CFAP53: variants seen among roughly 807,000 people sequenced by gnomAD.
CFAP53 encodes cilia- and flagella-associated protein 53.
Under a neutral mutation model 59.7 loss-of-function variants are expected in CFAP53, and 62 were observed. That is an observed-to-expected ratio of 1.04 (90% CI 0.85 to 1.28). The LOEUF is 1.28. Ranked by LOEUF, CFAP53 falls within the 50% of genes most tolerant of loss-of-function variation. The probability of loss-of-function intolerance (pLI) is 0.00; values close to 1 mark genes in which losing one functional copy is unlikely to be tolerated. For synonymous variants in CFAP53, 218 were observed against 205.7 expected, an observed-to-expected ratio of 1.06 and a Z score of -0.51; for missense variants, 629 against 615.6, an observed-to-expected ratio of 1.02 and a Z score of -0.23.
chr18:50,242,311 T>A (rs1454069523), intron 6 of CFAP53, among the ~76,000 whole-genome samples: 1 of 152,188 alleles, frequency 6.6e-6, no homozygotes, highest in Non-Finnish European at 1.5e-5. Flanking sequence ...ATGACAGGAT[T>A]AAGAGATTAA....
chr18:50,233,105 C>CT lies in CFAP53; in HGVS notation c.1316+5497dup, dbSNP rs546187914. Among the ~76,000 whole-genome samples, 640 of 152,240 alleles carry CT rather than the reference C, an allele frequency of 4.2e-3. 8 individuals are homozygous for CT. Among genetic ancestry groups the CT allele is most frequent in the African/African-American group, 0.015 (603 of 41,546 alleles). On this transcript the variant is annotated intron_variant, in intron 7 of 7. Transcript: ENST00000398545. Reference sequence around the variant, plus strand: ...AAGTCTTCTATAGCTCTCTATCTTCCTTTTTTTCTGCCTGCTTTAAATCTG... The same window carrying CT: ...AAGTCTTCTATAGCTCTCTATCTTCCTTTTTTTTCTGCCTGCTTTAAATCTG...
chr18:50,257,225 C>T (rs915732454), intron 3 of CFAP53, among the ~76,000 whole-genome samples: 3 of 152,072 alleles, frequency 2.0e-5, no homozygotes, highest in South Asian at 2.1e-4. Flanking sequence ...GGGCAAAATG[C>T]ACCATCACTA....
At chr18:50,234,002 G>A (rs938938946) in intron 7 of CFAP53, among the ~76,000 whole-genome samples, 14 of 152,284 alleles carry the variant, frequency 9.2e-5, no homozygotes, top group Non-Finnish European at 2.1e-4. Flanking sequence ...CAGAAAATCC[G>A]AGGGATCTGG....
intron 7 of CFAP53, among the ~76,000 whole-genome samples, chr18:50,233,807 G>A (rs1000728049): frequency 2.6e-5 from 4 of 152,178 alleles, no homozygotes; most frequent in African/African-American, 7.2e-5. Flanking sequence ...TAGCAGTCCC[G>A]CTATCCATAG....
At chr18:50,256,122 C>T (rs2033845079) in intron 3 of CFAP53, 1 of 152,154 alleles carries the variant, frequency 6.6e-6, no homozygotes, top group Non-Finnish European at 1.5e-5. Flanking sequence ...CTCAGTCATA[C>T]AAGTGAAATC....
intron 5 of CFAP53, among the ~76,000 whole-genome samples, chr18:50,250,194 G>A (rs1427090333): frequency 1.5e-5 from 1 of 65,760 alleles, no homozygotes; most frequent in African/African-American, 4.4e-5. Context: ...ACTCCAGCCT[G>A]GGTTACAGCG....
At chr18:50,253,976 A>G (rs1202791966) in intron 3 of CFAP53, among the ~76,000 whole-genome samples, 5 of 152,228 alleles carry the variant, frequency 3.3e-5, no homozygotes, top group Non-Finnish European at 5.9e-5. Flanking sequence ...GGGCATTTAA[A>G]AAGAAATTTC....
Position 50,262,167 on chromosome 18 carries a change from C to A in CFAP53, c.122G>T (p.Arg41Leu). 1 of 1,614,178 alleles carries A rather than the reference C, an allele frequency of 6.2e-7. No homozygotes were observed. Among genetic ancestry groups the A allele is most frequent in the South Asian group, 1.1e-5 (1 of 91,080 alleles). The part of the protein sequence containing the change: ...QGAEHHLERI[R>L]RSHQKHNAIL... ...AGCATTATGCTTCTGATGGCTGCGT[C>A]GGATTCTTTCTAGATGGTGCTCAGC... The change falls in exon 2 of 8, where the codon CGA becomes CTA. Residue 41 changes from arginine to leucine, a missense_variant. Arg to Leu is a moderately radical substitution (Grantham distance 102). Transcript: ENST00000398545.
intron 6 of CFAP53, 43 bp from the exon 7 acceptor site, chr18:50,238,748 C>A: frequency 7.0e-7 from 1 of 1,426,540 alleles, no homozygotes; most frequent in African/African-American, 1.4e-5. Flanking sequence ...GACTTTCAGA[C>A]AAGAATTGCC....
chr18:50,252,558 C>A (rs1290109868), intron 3 of CFAP53, among the ~76,000 whole-genome samples: 2 of 152,104 alleles, frequency 1.3e-5, no homozygotes, highest in African/African-American at 2.4e-5. Context: ...CACATGTCAC[C>A]GTGTCTGGCT....
rs1292312562 is a variant in CFAP53, at chr18:50,262,225, A to C, written c.70-6T>G. 1 of 1,604,522 alleles carries C rather than the reference A, an allele frequency of 6.2e-7. No homozygotes were observed. The highest frequency in any genetic ancestry group is 8.5e-7 in the Non-Finnish European group (1 of 1,171,480). ...CCTTTAGGAGGCTTGGATCTCTGAA[A>C]ACAAAAACCAACTATCACTTATAAT... On this transcript the variant is annotated splice_polypyrimidine_tract_variant and splice_region_variant and intron_variant, in intron 1 of 7. Coordinates refer to ENST00000398545, the MANE Select transcript of CFAP53 (RefSeq NM_145020.5).
At chr18:50,230,137 T>C (rs2033566128) in intron 7 of CFAP53, among the ~76,000 whole-genome samples, 2 of 152,232 alleles carry the variant, frequency 1.3e-5, no homozygotes. Context: ...TATTTGATCT[T>C]TGTTCCTAGT....
Position 50,262,142 on chromosome 18 carries a change from A to C in CFAP53, c.147T>G (p.Ala49=). ...CACTTGACTTAATGGAAGCCAAAATAGCATTATGCTTCTGATGGCTGCGTC... is the reference window on the plus strand; with the variant it reads ...CACTTGACTTAATGGAAGCCAAAATCGCATTATGCTTCTGATGGCTGCGTC... The part of the protein sequence containing the change: ...RIRRSHQKHN[A]ILASIKSSER... The change falls in exon 2 of 8, where the codon GCT becomes GCG. Residue 49 remains alanine, a synonymous_variant. Coordinates refer to ENST00000398545, the MANE Select transcript of CFAP53 (RefSeq NM_145020.5). The C allele has an allele frequency of 6.2e-7, 1 of 1,614,254 alleles. No homozygotes were observed. Among genetic ancestry groups the C allele is most frequent in the Non-Finnish European group, 8.5e-7 (1 of 1,180,044 alleles).
Position 50,238,843 on chromosome 18 carries a change from A to C in CFAP53, c.1214-138T>G. On this transcript the variant is annotated intron_variant, in intron 6 of 7. Coordinates refer to ENST00000398545, the MANE Select transcript of CFAP53 (RefSeq NM_145020.5). ...GCTGGATCTTAGATTGATAAAGTAG[A>C]AGTACACATCTCAATTGAGAAATAA... is the stretch of plus-strand genomic sequence containing the variant. The C allele has an allele frequency of 1.0e-5, 6 of 592,004 alleles. No individual in the cohort carries two copies. The South Asian group carries it at 1.4e-4, about 14-fold the overall frequency. 36.7% of individuals were successfully genotyped at this position (592,004 alleles called of 1,614,324 possible).
intron 3 of CFAP53, among the ~76,000 whole-genome samples, chr18:50,253,277 A>G (rs1312162673): frequency 6.6e-6 from 1 of 152,208 alleles, no homozygotes; most frequent in East Asian, 1.9e-4. Flanking sequence ...CAGCCTCCCA[A>G]AGTGCTGGGA....
intron 7 of CFAP53, 23 bp from the exon 8 acceptor site, chr18:50,227,632 G>C: frequency 6.6e-7 from 1 of 1,525,042 alleles, no homozygotes; most frequent in South Asian, 1.1e-5. Context: ...AAATGTCAAA[G>C]CATAAAATTA....
chr18:50,234,058 C>G (rs996437177), intron 7 of CFAP53, among the ~76,000 whole-genome samples: 1 of 152,204 alleles, frequency 6.6e-6, no homozygotes, highest in African/African-American at 2.4e-5. Flanking sequence ...TCAGAAACTC[C>G]AAAGGGTCTG....
rs2033899076 is a variant in CFAP53 at position 50,262,086 on chromosome 18, T to C, written c.203A>G (p.Gln68Arg). The C allele has an allele frequency of 6.2e-7, 1 of 1,614,264 alleles. No individual in the cohort carries two copies. Among genetic ancestry groups the C allele is most frequent in the Non-Finnish European group, 8.5e-7 (1 of 1,180,048 alleles). Reference sequence around the variant, plus strand: ...GTCCAAAATCTTGCAGTCATTGTGCTGGTCCCACTCAGCTTTCAAGCGATC... The same window carrying C: ...GTCCAAAATCTTGCAGTCATTGTGCCGGTCCCACTCAGCTTTCAAGCGATC... ...ERDRLKAEWD[Q>R]HNDCKILDSL... The change falls in exon 2 of 8, where the codon CAG (glutamine) becomes CGG (arginine). Residue 68 changes from glutamine (Q) to arginine (R), a missense_variant. Transcript: ENST00000398545.
chr18:50,265,421 G>T (rs1216222422), intron 1 of CFAP53, among the ~76,000 whole-genome samples: 1 of 152,080 alleles, frequency 6.6e-6, no homozygotes, highest in Non-Finnish European at 1.5e-5. Flanking sequence ...GTATATGCAA[G>T]TATTCCAAAA....
Sources: allele counts gnomAD v4.1 joint callset (sites outside exome capture counted in the v4.1 genomes callset), GRCh38; gene constraint gnomAD v4.1.1; transcripts MANE v1.5; gene names NCBI Gene and HGNC (gene_info 2026-07-23, HGNC 2026-07-21).